PTPRG: variants seen among roughly 807,000 people sequenced by gnomAD.
The protein encoded by PTPRG is receptor-type tyrosine-protein phosphatase gamma.
A neutral mutation model predicts 165.3 loss-of-function variants in PTPRG; 102 were observed. The observed-to-expected ratio is 0.62, with a 90% confidence interval of 0.53 to 0.73. PTPRG has a LOEUF of 0.73. PTPRG is among the 30% of genes least tolerant of loss of function. The pLI is 0.00. For missense variants in PTPRG, 1,866 were observed against 1,861.4 expected (o/e 1.00, Z -0.05); for synonymous variants, 675 against 669.5 (o/e 1.01, Z -0.13).
At chr3:62,023,536 A>G (rs917434270) in intron 4 of PTPRG, among the ~76,000 whole-genome samples, 10 of 152,024 alleles carry the variant, frequency 6.6e-5, no homozygotes, top group African/African-American at 2.4e-4. Context: ...CACTCCTCCA[A>G]GTATATTTTT....
At chr3:61,569,810 G>C (rs1700013662) in intron 1 of PTPRG, among the ~76,000 whole-genome samples, 1 of 152,220 alleles carries the variant, frequency 6.6e-6, no homozygotes. Flanking sequence ...TTCTATGTAA[G>C]ATTACTAACA....
chr3:61,797,856 A>C (rs1318507141), intron 2 of PTPRG, among the ~76,000 whole-genome samples: 1 of 152,072 alleles, frequency 6.6e-6, no homozygotes, highest in Non-Finnish European at 1.5e-5. Context: ...TTAATGTCAA[A>C]AAGAAGGAAA....
At chr3:61,925,021 A>G (rs2039172662) in intron 2 of PTPRG, among the ~76,000 whole-genome samples, 1 of 152,178 alleles carries the variant, frequency 6.6e-6, no homozygotes, top group South Asian at 2.1e-4. Flanking sequence ...ACCCCACAGA[A>G]CACACTGGTC....
intron 8 of PTPRG, among the ~76,000 whole-genome samples, chr3:62,168,969 C>T (rs1014057270): frequency 2.6e-5 from 4 of 152,022 alleles, no homozygotes; most frequent in African/African-American, 9.7e-5. Context: ...TTCGGCCATT[C>T]GGTGGGCAGT....
intron 2 of PTPRG, among the ~76,000 whole-genome samples, chr3:61,898,771 A>G (rs1296575811): frequency 6.6e-6 from 1 of 152,252 alleles, no homozygotes; most frequent in East Asian, 1.9e-4. Context: ...AGAAGAATGA[A>G]GAGCCAAAAG....
chr3:62,191,214 GCACGTGTGTGTGCATCTGTGTCCCTTGCA>G (rs1262360210), intron 8 of PTPRG, among the ~76,000 whole-genome samples: 9 of 151,768 alleles, frequency 5.9e-5, no homozygotes, highest in East Asian at 2.0e-4. Context: ...TGTGTCCCGT[GCACGTGTGTGTGCATCTGTGTCCCTTGCA>G]CACGTGTGTG....
At chr3:61,801,219 C>T (rs868628270) in intron 2 of PTPRG, among the ~76,000 whole-genome samples, 1 of 152,152 alleles carries the variant, frequency 6.6e-6, no homozygotes, top group Non-Finnish European at 1.5e-5. Flanking sequence ...TGATTACCCC[C>T]CAGTGGTCTA....
intron 1 of PTPRG, among the ~76,000 whole-genome samples, chr3:61,747,956 C>T (rs918701970): frequency 1.3e-5 from 2 of 152,086 alleles, no homozygotes; most frequent in African/African-American, 4.8e-5. Context: ...GGTGTGGGCT[C>T]ACAACAAAAG....
intron 1 of PTPRG, among the ~76,000 whole-genome samples, chr3:61,590,671 C>T (rs1575522650): frequency 6.6e-6 from 1 of 152,124 alleles, no homozygotes. Context: ...TATAGAAATA[C>T]ATAGATTATT....
chr3:61,600,972 G>A lies in PTPRG; in HGVS notation c.85+38600G>A, dbSNP rs145935434. ...ACAGATTTTTAAAAAGAGCTTTTTTGGGCCAGATGTGGTGGCTCACGCCTG... is the reference window on the plus strand; with the variant it reads ...ACAGATTTTTAAAAAGAGCTTTTTTAGGCCAGATGTGGTGGCTCACGCCTG... On this transcript the variant is annotated intron_variant, in intron 1 of 29. Coordinates refer to ENST00000474889, the MANE Select transcript of PTPRG (RefSeq NM_002841.4). Among the ~76,000 whole-genome samples the A allele has an allele frequency of 5.8e-3, 878 of 152,216 alleles. 4 individuals are homozygous for A. The highest frequency in any genetic ancestry group is 0.02 in the African/African-American group (841 of 41,546).
intron 1 of PTPRG, among the ~76,000 whole-genome samples, chr3:61,632,182 T>C (rs1996519): frequency 0.48 from 72,450 of 151,758 alleles, 17,839 homozygotes; most frequent in African/African-American, 0.6. Context: ...GTGGCGTGTG[T>C]CTGTAGTCCT....
intron 2 of PTPRG, among the ~76,000 whole-genome samples, chr3:61,756,859 T>C (rs2033651133): frequency 6.6e-6 from 1 of 152,150 alleles, no homozygotes; most frequent in Admixed American, 6.5e-5. Flanking sequence ...ACTGAGAGTT[T>C]GGGTTTTAAA....
At chr3:61,693,642 C>A (rs1014328256) in intron 1 of PTPRG, among the ~76,000 whole-genome samples, 3 of 152,036 alleles carry the variant, frequency 2.0e-5, no homozygotes, top group Non-Finnish European at 4.4e-5. Context: ...GTGTTCAGGG[C>A]TGGGGAGGGA....
intron 2 of PTPRG, among the ~76,000 whole-genome samples, chr3:61,863,100 G>T (rs1441622531): frequency 1.3e-5 from 2 of 152,214 alleles, no homozygotes; most frequent in African/African-American, 4.8e-5. Context: ...ACTGCACAAG[G>T]ATGTGCAGAC....
At chr3:62,057,627 T>A (rs1425328597) in intron 4 of PTPRG, among the ~76,000 whole-genome samples, 1 of 152,206 alleles carries the variant, frequency 6.6e-6, no homozygotes, top group African/African-American at 2.4e-5. Context: ...AAAATAACTC[T>A]GCCAGAGCAG....
chr3:62,207,004 G>C (rs1362327025), intron 12 of PTPRG, among the ~76,000 whole-genome samples: 2 of 148,986 alleles, frequency 1.3e-5, no homozygotes, highest in Non-Finnish European at 3.0e-5. Context: ...CTTCAGCAAA[G>C]TGAGAAGGTC....
At chr3:61,946,790 T>C (rs2039769650) in intron 2 of PTPRG, among the ~76,000 whole-genome samples, 1 of 152,246 alleles carries the variant, frequency 6.6e-6, no homozygotes, top group African/African-American at 2.4e-5. Context: ...CAGAGACCTT[T>C]TTAAGCACAC....
chr3:61,807,031 C>T (rs2035439485), intron 2 of PTPRG, among the ~76,000 whole-genome samples: 1 of 152,114 alleles, frequency 6.6e-6, no homozygotes, highest in Non-Finnish European at 1.5e-5. Flanking sequence ...ATTTTCTGCA[C>T]CCAAGTGATT....
intron 2 of PTPRG, among the ~76,000 whole-genome samples, chr3:61,755,889 C>A (rs567320384): frequency 6.6e-6 from 1 of 152,278 alleles, no homozygotes; most frequent in East Asian, 1.9e-4. Flanking sequence ...AATTGGACTA[C>A]AGTTGGTTTT....
Sources: allele counts gnomAD v4.1 joint callset (sites outside exome capture counted in the v4.1 genomes callset), GRCh38; gene constraint gnomAD v4.1.1; transcripts MANE v1.5; gene names NCBI Gene and HGNC (gene_info 2026-07-23, HGNC 2026-07-21).